The following ESRRG variants were observed in gnomAD, a reference collection of about 807,000 sequenced individuals.
ESRRG encodes the protein estrogen-related receptor gamma.
In ESRRG, 13 loss-of-function variants were observed where a neutral mutation model predicts 44.0. That is an observed-to-expected ratio of 0.30 (90% confidence interval 0.19 to 0.47). ESRRG has a LOEUF of 0.47. Among genes scored for constraint, ESRRG ranks in the 20% least tolerant of loss-of-function variants. ESRRG has a pLI of 1.00. For missense variants in ESRRG, 395 were observed against 580.6 expected, an observed-to-expected ratio of 0.68 and a Z score of 3.29; for synonymous variants, 215 against 214.6, an observed-to-expected ratio of 1.00 and a Z score of -0.02.
chr1:216,717,117 G>A (rs1236899449), intron 1 of ESRRG, among the ~76,000 whole-genome samples: 1 of 151,802 alleles, frequency 6.6e-6, no homozygotes, highest in Non-Finnish European at 1.5e-5. Context: ...GGGGAAATTT[G>A]TGTATATACA....
intron 1 of ESRRG, among the ~76,000 whole-genome samples, chr1:217,104,114 A>C (rs935636022): frequency 6.6e-6 from 1 of 152,192 alleles, no homozygotes; most frequent in Admixed American, 6.5e-5. Context: ...CTCAGCACCT[A>C]TTCCTTGTTA....
Position 216,926,071 on chromosome 1 carries a change from T to G in ESRRG, c.-14+13511A>C, listed in dbSNP as rs12091515. 4.2e-3 allele frequency among the ~76,000 whole-genome samples: 641 copies of G among 152,256 alleles called. 4 individuals carry two copies. Among genetic ancestry groups the G allele is most frequent in the African/African-American group, 0.015 (617 of 41,548 alleles). ...CCACAGCCCTCAGACAGCCCTGAAA[T>G]CTGGTACAGATCTGCAAGCAAAACG... On this transcript the variant is annotated intron_variant, in intron 2 of 7. Transcript: ENST00000359162.
At chr1:217,044,479 T>C (rs906678901) in intron 1 of ESRRG, among the ~76,000 whole-genome samples, 1 of 152,190 alleles carries the variant, frequency 6.6e-6, no homozygotes, top group African/African-American at 2.4e-5. Flanking sequence ...AATCTTTAAT[T>C]CATCTCTTGT....
chr1:216,702,283 T>C (rs763745255), intron 1 of ESRRG, among the ~76,000 whole-genome samples: 2 of 152,146 alleles, frequency 1.3e-5, no homozygotes, highest in East Asian at 1.9e-4. Flanking sequence ...TCTAGTCTTA[T>C]GAGAGAGGGT....
At chr1:217,021,260 A>G (rs772381522) in intron 1 of ESRRG, among the ~76,000 whole-genome samples, 3 of 152,174 alleles carry the variant, frequency 2.0e-5, no homozygotes, top group Non-Finnish European at 4.4e-5. Context: ...ATGGTGAGCC[A>G]TTCACAATCT....
At chr1:217,067,947 TCCACA>T (rs550085201) in intron 1 of ESRRG, among the ~76,000 whole-genome samples, 238 of 152,292 alleles carry the variant, frequency 1.6e-3, no homozygotes, top group African/African-American at 5.4e-3. Flanking sequence ...TTGCACCATC[TCCACA>T]CACACTAGAT....
At chr1:216,544,271 T>C (rs2053781254) in intron 5 of ESRRG, among the ~76,000 whole-genome samples, 1 of 152,082 alleles carries the variant, frequency 6.6e-6, no homozygotes. Flanking sequence ...AATTTCATTA[T>C]ATAAAACTCC....
Position 217,025,704 on chromosome 1 carries a change from A to T in ESRRG, c.-106+63803T>A, listed in dbSNP as rs548060797. 5.9e-5 allele frequency among the ~76,000 whole-genome samples: 9 copies of T among 152,324 alleles called. No homozygotes were observed. The South Asian group carries it at 1.9e-3, about 32-fold the overall frequency. On this transcript the variant is annotated intron_variant, in intron 1 of 7. Transcript: ENST00000359162. ...AACACAGCCCCTATCTACTTTATAG[A>T]AACTCAGGATCAGGACATAATCAAA...
chr1:216,522,752 T>C (rs2046473464), intron 5 of ESRRG, among the ~76,000 whole-genome samples: 1 of 152,196 alleles, frequency 6.6e-6, no homozygotes, highest in South Asian at 2.1e-4. Context: ...GAACAATGTA[T>C]AAAATTCTAA....
intron 1 of ESRRG, among the ~76,000 whole-genome samples, chr1:216,706,127 G>T (rs867642444): frequency 7.2e-5 from 11 of 152,084 alleles, no homozygotes; most frequent in African/African-American, 2.7e-4. Flanking sequence ...TTAAGACTAC[G>T]GTGAAGGTTT....
intron 2 of ESRRG, among the ~76,000 whole-genome samples, chr1:216,676,342 T>A (rs1447413036): frequency 6.6e-6 from 1 of 152,208 alleles, no homozygotes; most frequent in African/African-American, 2.4e-5. Context: ...TATATATCAC[T>A]TATATATGTT....
chr1:217,044,185 A>T (rs1228312769), intron 1 of ESRRG, among the ~76,000 whole-genome samples: 3 of 152,172 alleles, frequency 2.0e-5, no homozygotes, highest in African/African-American at 7.2e-5. Context: ...GATGTACAAT[A>T]GATCATTCTG....
At chr1:217,048,138 A>G (rs1387052076) in intron 1 of ESRRG, among the ~76,000 whole-genome samples, 1 of 152,128 alleles carries the variant, frequency 6.6e-6, no homozygotes, top group East Asian at 1.9e-4. Flanking sequence ...GCAGAGAGTA[A>G]GTGTAAGGGT....
Position 216,774,798 on chromosome 1 carries a change from C to T in ESRRG, c.-13-97307G>A, listed in dbSNP as rs11576350. ...ACAGTAAGACAGTGAATAATTTCTT[C>T]TTTTTTTTTTTTTAAGACAGAATCT... On this transcript the variant is annotated intron_variant, in intron 2 of 7. Transcript: ENST00000359162. Among the ~76,000 whole-genome samples, 487 of 110,816 alleles carry T rather than the reference C, an allele frequency of 4.4e-3. 3 individuals are homozygous for T. The highest frequency in any genetic ancestry group is 0.017 in the African/African-American group (452 of 27,064). 72.7% of individuals were successfully genotyped at this position (110,816 alleles called of 152,430 possible). A position where few individuals can be genotyped will look rare whatever the true frequency, so the allele number is the denominator to read the frequency against.
intron 2 of ESRRG, among the ~76,000 whole-genome samples, chr1:216,758,660 G>A (rs2092600126): frequency 6.6e-6 from 1 of 151,722 alleles, no homozygotes; most frequent in Non-Finnish European, 1.5e-5. Context: ...TTCTTTTTCA[G>A]GTTGGCGCCT....
At chr1:217,026,895 A>T (rs1399329172) in intron 1 of ESRRG, among the ~76,000 whole-genome samples, 2 of 94,790 alleles carry the variant, frequency 2.1e-5, no homozygotes, top group South Asian at 8.5e-4. Context: ...ACATACACAC[A>T]CACACACACA....
At chr1:216,648,949 T>C (rs1227748144) in intron 3 of ESRRG, among the ~76,000 whole-genome samples, 3 of 152,102 alleles carry the variant, frequency 2.0e-5, no homozygotes, top group Non-Finnish European at 4.4e-5. Context: ...GGCCAGAAAT[T>C]GACTGTCAAT....
chr1:217,016,131 G>A (rs1248570464), intron 1 of ESRRG, among the ~76,000 whole-genome samples: 2 of 152,078 alleles, frequency 1.3e-5, no homozygotes, highest in Non-Finnish European at 2.9e-5. Flanking sequence ...GAAAAGAAGC[G>A]AGTGATAGTG....
intron 1 of ESRRG, among the ~76,000 whole-genome samples, chr1:216,715,682 A>G (rs994741198): frequency 2.0e-5 from 3 of 152,116 alleles, no homozygotes; most frequent in Admixed American, 2.0e-4. Flanking sequence ...AGTTCTGGAT[A>G]TATGACTAAT....
Sources: allele counts gnomAD v4.1 joint callset (sites outside exome capture counted in the v4.1 genomes callset), GRCh38; gene constraint gnomAD v4.1.1; transcripts MANE v1.5; gene names NCBI Gene and HGNC (gene_info 2026-07-23, HGNC 2026-07-21).